Variants in STK24 observed in about 807,000 individuals in gnomAD.
The protein encoded by STK24 is serine/threonine-protein kinase 24.
Under a neutral mutation model 55.6 loss-of-function variants are expected in STK24, and 21 were observed. The ratio of observed to expected loss-of-function variants is 0.38; its 90% CI spans 0.27 to 0.54. The LOEUF (loss-of-function observed/expected upper bound fraction) is 0.54. Among genes scored for constraint, STK24 ranks in the 20% least tolerant of loss-of-function variants. STK24 has a pLI of 0.79. For synonymous variants in STK24, 200 were observed against 215.2 expected (o/e 0.93, Z 0.62); for missense variants, 383 against 538.4 (o/e 0.71, Z 2.86).
rs1228912878 is a variant in STK24 at position 98,452,408 on chromosome 13, C to G, written c.*765G>C. 1 of 152,488 alleles carries G rather than the reference C, an allele frequency of 6.6e-6. No homozygotes were observed. Among genetic ancestry groups the G allele is most frequent in the East Asian group, 1.9e-4 (1 of 5,194 alleles). The allele number at this position is 152,488 out of a possible 1,614,324, so 9.4% of individuals were successfully genotyped here. A position where few individuals can be genotyped will look rare whatever the true frequency, so the allele number is the denominator to read the frequency against. ...CAATTTAAAACACTAAGAAATAGTACCATCGATGAAAAAGGAAATCAACCT... is the reference window on the plus strand; with the variant it reads ...CAATTTAAAACACTAAGAAATAGTAGCATCGATGAAAAAGGAAATCAACCT... On this transcript the variant is annotated 3_prime_UTR_variant, in exon 11 of 11. Transcript: ENST00000539966.
intron 1 of STK24, among the ~76,000 whole-genome samples, chr13:98,542,406 A>C (rs1006888473): frequency 3.9e-5 from 6 of 152,022 alleles, no homozygotes; most frequent in East Asian, 1.9e-4. Flanking sequence ...AACAAAAAAA[A>C]CGGCCAATTG....
chr13:98,474,154 C>T (rs1826305766), intron 5 of STK24, among the ~76,000 whole-genome samples: 1 of 151,990 alleles, frequency 6.6e-6, no homozygotes, highest in African/African-American at 2.4e-5. Context: ...ACAGAGTTCA[C>T]AAAAGTGGAG....
intron 3 of STK24, among the ~76,000 whole-genome samples, chr13:98,480,279 T>C (rs1257907887): frequency 6.6e-6 from 1 of 152,256 alleles, no homozygotes; most frequent in Non-Finnish European, 1.5e-5. Context: ...TCATTAAATA[T>C]GAACACGCTA....
intron 5 of STK24, among the ~76,000 whole-genome samples, chr13:98,469,118 C>T (rs922894254): frequency 1.3e-5 from 2 of 152,252 alleles, no homozygotes; most frequent in Non-Finnish European, 2.9e-5. Flanking sequence ...CGAACGCCTG[C>T]TTGCGAACGC....
chr13:98,540,559 T>C (rs1046094508), intron 1 of STK24, among the ~76,000 whole-genome samples: 6 of 151,946 alleles, frequency 3.9e-5, no homozygotes, highest in Non-Finnish European at 8.8e-5. Context: ...CAAAAAAAGC[T>C]AAGTATTGTT....
rs143884567 is a variant in STK24, at chr13:98,491,526, T to C, written c.274-9205A>G. Among the ~76,000 whole-genome samples, 264 of 152,198 alleles carry C rather than the reference T, an allele frequency of 1.7e-3. 2 individuals carry two copies. The highest frequency in any genetic ancestry group is 3.3e-3 in the South Asian group (16 of 4,830). On this transcript the variant is annotated intron_variant, in intron 2 of 10. Coordinates refer to ENST00000539966, the MANE Select transcript of STK24 (RefSeq NM_001032296.4). Reference sequence around the variant, plus strand: ...ACAAAGAGGAACAAAACGAAGCAACTGAAAATTACTGGATCACATCCTCAC... The same window carrying C: ...ACAAAGAGGAACAAAACGAAGCAACCGAAAATTACTGGATCACATCCTCAC...
intron 1 of STK24, among the ~76,000 whole-genome samples, chr13:98,549,390 CTT>C (rs1897107511): frequency 6.6e-6 from 1 of 152,176 alleles, no homozygotes; most frequent in African/African-American, 2.4e-5. Flanking sequence ...CCTCGGACCT[CTT>C]TTGTGAGGGC....
intron 2 of STK24, among the ~76,000 whole-genome samples, chr13:98,493,659 G>T (rs1055838428): frequency 2.0e-5 from 3 of 152,006 alleles, no homozygotes. Flanking sequence ...TGTTCTGCTA[G>T]ATGACAATCT....
chr13:98,566,404 G>A (rs1459385896), intron 1 of STK24, among the ~76,000 whole-genome samples: 4 of 152,198 alleles, frequency 2.6e-5, no homozygotes, highest in Non-Finnish European at 5.9e-5. Flanking sequence ...GCAGGCAGTC[G>A]GGAGGAAGGA....
intron 2 of STK24, chr13:98,508,919 A>T (rs1341424747): frequency 6.6e-6 from 1 of 152,230 alleles, no homozygotes; most frequent in Non-Finnish European, 1.5e-5. Context: ...GTCAAGCTTG[A>T]GGAATGTGAC....
At chr13:98,545,231 T>C (rs1211187272) in intron 1 of STK24, among the ~76,000 whole-genome samples, 7 of 152,270 alleles carry the variant, frequency 4.6e-5, no homozygotes, top group Non-Finnish European at 1.5e-5. Flanking sequence ...ATGTTAACAG[T>C]ATGTTCTCTC....
chr13:98,570,042 G>A (rs7339107), intron 1 of STK24, among the ~76,000 whole-genome samples: 34,369 of 151,218 alleles, frequency 0.23, 4,299 homozygotes, highest in African/African-American at 0.34. Flanking sequence ...ACGCCCAGCT[G>A]TTTTTTTTGT....
intron 2 of STK24, among the ~76,000 whole-genome samples, chr13:98,503,219 G>T (rs1895556217): frequency 6.9e-6 from 1 of 145,140 alleles, no homozygotes; most frequent in Non-Finnish European, 1.5e-5. Context: ...ACATTCAGTA[G>T]ACTGTTACCC....
chr13:98,544,607 C>CT (rs1387543074), intron 1 of STK24, among the ~76,000 whole-genome samples: 2 of 152,254 alleles, frequency 1.3e-5, no homozygotes, highest in South Asian at 2.1e-4. Context: ...CCAAGCCGAC[C>CT]TGAGGCCAGG....
At chr13:98,513,493 T>C (rs957066412) in intron 2 of STK24, among the ~76,000 whole-genome samples, 5 of 152,196 alleles carry the variant, frequency 3.3e-5, no homozygotes, top group Non-Finnish European at 5.9e-5. Context: ...CTGTCACCTG[T>C]GCCTTCAGTG....
At chr13:98,562,766 A>C (rs1897459244) in intron 1 of STK24, among the ~76,000 whole-genome samples, 1 of 151,948 alleles carries the variant, frequency 6.6e-6, no homozygotes, top group African/African-American at 2.4e-5. Flanking sequence ...ATACAAAAAA[A>C]TTAGCCGGAC....
intron 1 of STK24, among the ~76,000 whole-genome samples, chr13:98,557,100 C>G (rs1471250920): frequency 6.6e-6 from 1 of 152,142 alleles, no homozygotes. Context: ...CTTTGCCTAG[C>G]AGGTAAAGCT....
At chr13:98,539,557 G>A (rs1267617395) in intron 1 of STK24, among the ~76,000 whole-genome samples, 2 of 114,494 alleles carry the variant, frequency 1.7e-5, no homozygotes, top group Admixed American at 1.7e-4. Context: ...TCTCTGCAAA[G>A]CTCCATTTAA....
At chr13:98,568,665 G>A (rs1231594202) in intron 1 of STK24, among the ~76,000 whole-genome samples, 6 of 152,002 alleles carry the variant, frequency 3.9e-5, no homozygotes, top group South Asian at 2.1e-4. Context: ...TCAGGAGTTC[G>A]AGACCTGCCT....
Sources: allele counts gnomAD v4.1 joint callset (sites outside exome capture counted in the v4.1 genomes callset), GRCh38; gene constraint gnomAD v4.1.1; transcripts MANE v1.5; gene names NCBI Gene and HGNC (gene_info 2026-07-23, HGNC 2026-07-21).